The following CCSER1 variants were observed in gnomAD, a reference collection of about 807,000 sequenced individuals.
CCSER1 encodes coiled-coil serine rich protein 1.
CCSER1 carries 41 observed loss-of-function variants against 82.0 expected under a neutral mutation model. The ratio of observed to expected loss-of-function variants is 0.50; its 90% confidence interval spans 0.39 to 0.65. CCSER1 has a LOEUF of 0.65. Among genes scored for constraint, CCSER1 ranks in the 30% least tolerant of loss-of-function variants. The probability of loss-of-function intolerance (pLI) is 0.00; values close to 1 mark genes in which losing one functional copy is unlikely to be tolerated. For synonymous variants in CCSER1, 414 were observed against 383.9 expected (o/e 1.08, Z -0.92); for missense variants, 1,119 against 1,064.2 (o/e 1.05, Z -0.72).
At chr4:91,117,025 T>G (rs773404095) in intron 10 of CCSER1, among the ~76,000 whole-genome samples, 1 of 152,106 alleles carries the variant, frequency 6.6e-6, no homozygotes, top group Non-Finnish European at 1.5e-5. Flanking sequence ...GAATCATACC[T>G]AAAGAAACCT....
intron 10 of CCSER1, among the ~76,000 whole-genome samples, chr4:91,424,670 A>G (rs954661881): frequency 2.6e-5 from 4 of 152,160 alleles, no homozygotes; most frequent in African/African-American, 9.7e-5. Flanking sequence ...TTTGGCACAT[A>G]GTAAGTGCTT....
intron 9 of CCSER1, among the ~76,000 whole-genome samples, chr4:90,965,785 T>A (rs1734504738): frequency 6.6e-6 from 1 of 152,048 alleles, no homozygotes; most frequent in Non-Finnish European, 1.5e-5. Context: ...CAAGAAAGTG[T>A]GACTCATAAG....
intron 10 of CCSER1, among the ~76,000 whole-genome samples, chr4:91,392,473 G>A (rs1410898518): frequency 2.0e-5 from 3 of 151,304 alleles, no homozygotes; most frequent in Non-Finnish European, 4.4e-5. Context: ...ACTTCAAATT[G>A]TATTAAATCT....
At chr4:91,266,732 A>C (rs574423979) in intron 10 of CCSER1, among the ~76,000 whole-genome samples, 62 of 152,262 alleles carry the variant, frequency 4.1e-4, no homozygotes, top group Non-Finnish European at 7.1e-4. Flanking sequence ...TATTATTAAA[A>C]ATTATTTCTG....
intron 8 of CCSER1, among the ~76,000 whole-genome samples, chr4:90,866,457 C>T (rs1024455798): frequency 2.6e-5 from 4 of 152,002 alleles, no homozygotes; most frequent in Non-Finnish European, 5.9e-5. Flanking sequence ...TTTGTATAGG[C>T]ATTAGCCAAA....
At chr4:91,522,484 A>C (rs2110144764) in intron 10 of CCSER1, among the ~76,000 whole-genome samples, 1 of 152,260 alleles carries the variant, frequency 6.6e-6, no homozygotes. Flanking sequence ...TTTTCACGAT[A>C]TTGATTCTTC....
At chr4:90,792,274 C>G (rs192195141) in intron 7 of CCSER1, among the ~76,000 whole-genome samples, 1 of 152,216 alleles carries the variant, frequency 6.6e-6, no homozygotes, top group African/African-American at 2.4e-5. Context: ...TCTTCATTGT[C>G]ACAATTCAGC....
At chr4:90,844,578 C>A (rs1398212294) in intron 8 of CCSER1, among the ~76,000 whole-genome samples, 2 of 152,106 alleles carry the variant, frequency 1.3e-5, no homozygotes, top group Middle Eastern at 3.4e-3. Flanking sequence ...TACTAACCCC[C>A]TTCCTTCAAA....
intron 9 of CCSER1, among the ~76,000 whole-genome samples, chr4:91,019,496 A>C (rs1739734996): frequency 6.6e-6 from 1 of 152,184 alleles, no homozygotes. Context: ...AGCATAGTAA[A>C]CAACATTATC....
At chr4:91,086,912 A>G in intron 10 of CCSER1, among the ~76,000 whole-genome samples, 1 of 152,110 alleles carries the variant, frequency 6.6e-6, no homozygotes, top group Non-Finnish European at 1.5e-5. Flanking sequence ...ATTTTTATTT[A>G]GGAACACATA....
At chr4:91,040,464 A>G (rs72886617) in intron 9 of CCSER1, among the ~76,000 whole-genome samples, 2,025 of 152,254 alleles carry the variant, frequency 0.013, 57 homozygotes, top group African/African-American at 0.046. Flanking sequence ...CTCTATACTG[A>G]GTGTATATTG....
rs1246808554 is a variant in CCSER1, at chr4:91,444,313, A to G, written c.2218-154259A>G. Among the ~76,000 whole-genome samples the G allele has an allele frequency of 2.0e-5, 3 of 152,350 alleles. No individual in the cohort carries two copies. In the South Asian group the frequency reaches 6.2e-4, roughly 32 times the overall value. ...TGTCCAGTAGAGCATATTCTTTGAT[A>G]TAAACTTACTACTGCATATTTTATA... is the stretch of plus-strand genomic sequence containing the variant. On this transcript the variant is annotated intron_variant, in intron 10 of 10. Transcript: ENST00000509176.
At chr4:91,463,118 A>G (rs998861736) in intron 10 of CCSER1, among the ~76,000 whole-genome samples, 1 of 152,178 alleles carries the variant, frequency 6.6e-6, no homozygotes, top group African/African-American at 2.4e-5. Context: ...CAGTAGAGGT[A>G]GACTGACTCC....
chr4:91,126,131 G>A (rs1002209536), intron 10 of CCSER1, among the ~76,000 whole-genome samples: 1 of 151,506 alleles, frequency 6.6e-6, no homozygotes, highest in East Asian at 1.9e-4. Flanking sequence ...AAGTTTTAAG[G>A]CTGTCATTTT....
At chr4:91,158,456 T>C (rs771834705) in intron 10 of CCSER1, among the ~76,000 whole-genome samples, 11 of 151,978 alleles carry the variant, frequency 7.2e-5, no homozygotes, top group Non-Finnish European at 1.6e-4. Flanking sequence ...GTTTTCCCTC[T>C]TTTGTCATTA....
chr4:90,400,627 A>T (rs1752706901), intron 4 of CCSER1, among the ~76,000 whole-genome samples: 1 of 152,138 alleles, frequency 6.6e-6, no homozygotes, highest in South Asian at 2.1e-4. Flanking sequence ...ACTCATAAAC[A>T]TATACACACA....
At chr4:91,584,356 A>G (rs1320119399) in intron 10 of CCSER1, among the ~76,000 whole-genome samples, 1 of 151,516 alleles carries the variant, frequency 6.6e-6, no homozygotes, top group Non-Finnish European at 1.5e-5. Flanking sequence ...TCTCAGACTC[A>G]TTTGGATGGA....
rs147054799 is a variant in CCSER1 at position 90,493,849 on chromosome 4, T to C, written c.1724+25495T>C. ...AAGACCATCAAGGCTAGGAAGAAACTGCCTCAGCTAATGAGCAAAATAATC... is the reference window on the plus strand; with the variant it reads ...AAGACCATCAAGGCTAGGAAGAAACCGCCTCAGCTAATGAGCAAAATAATC... On this transcript the variant is annotated intron_variant, in intron 5 of 10. Transcript: ENST00000509176. Among the ~76,000 whole-genome samples, 670 of 152,296 alleles carry C rather than the reference T, an allele frequency of 4.4e-3. 7 individuals carry two copies. The highest frequency in any genetic ancestry group is 0.016 in the African/African-American group (648 of 41,566).
intron 1 of CCSER1, among the ~76,000 whole-genome samples, chr4:90,157,002 T>C (rs953336206): frequency 6.6e-5 from 10 of 152,236 alleles, no homozygotes; most frequent in African/African-American, 2.4e-4. Flanking sequence ...GATTTTGCAG[T>C]GGCTGGTACC....
Sources: allele counts gnomAD v4.1 joint callset (sites outside exome capture counted in the v4.1 genomes callset), GRCh38; gene constraint gnomAD v4.1.1; transcripts MANE v1.5; gene names NCBI Gene and HGNC (gene_info 2026-07-23, HGNC 2026-07-21).